OPA3: variants seen among roughly 807,000 people sequenced by gnomAD.
OPA3 encodes the protein outer mitochondrial membrane lipid metabolism regulator OPA3.
In OPA3, 6 loss-of-function variants were observed where a neutral mutation model predicts 4.0. The observed-to-expected ratio is 1.51, with a 90% confidence interval of 0.83 to 2.99. The LOEUF is 2.99. Among genes scored for constraint, OPA3 ranks in the 30% most tolerant of loss-of-function variants. The pLI is 0.00. For synonymous variants in OPA3, 105 were observed against 117.1 expected, an observed-to-expected ratio of 0.90 and a Z score of 0.67; for missense variants, 235 against 256.2, an observed-to-expected ratio of 0.92 and a Z score of 0.56.
rs976294041 is a variant in OPA3, at chr19:45,546,588, C to T, written c.*6926G>A. ...TCAGTTCACTGCAGCCTTAAACACC[C>T]GGGTTCAAGCGATCCTCCTGCCTCA... On this transcript the variant is annotated 3_prime_UTR_variant, in exon 2 of 2. Transcript: ENST00000263275. 8 of 180,976 alleles carry T rather than the reference C, an allele frequency of 4.4e-5. No homozygotes were observed. The highest frequency in any genetic ancestry group is 1.9e-4 in the East Asian group (1 of 5,280). 11.2% of individuals were successfully genotyped at this position (180,976 alleles called of 1,614,324 possible).
chr19:45,579,575 A>T (rs1384257867), intron 1 of OPA3, among the ~76,000 whole-genome samples: 1 of 152,082 alleles, frequency 6.6e-6, no homozygotes, highest in African/African-American at 2.4e-5. Context: ...AAGGTACCTG[A>T]GGGCAAGATG....
At chr19:45,578,545 G>A (rs2334251) in intron 1 of OPA3, among the ~76,000 whole-genome samples, 2 of 151,724 alleles carry the variant, frequency 1.3e-5, no homozygotes, top group South Asian at 4.2e-4. Context: ...CTCTGCTCCC[G>A]GGCCAGGCGT....
chr19:45,581,979 AG>A (rs2122522558), intron 1 of OPA3, among the ~76,000 whole-genome samples: 1 of 152,134 alleles, frequency 6.6e-6, no homozygotes, highest in South Asian at 2.1e-4. Flanking sequence ...TTGTATTTTC[AG>A]TAGACACGGG....
intron 1 of OPA3, among the ~76,000 whole-genome samples, chr19:45,556,459 C>T (rs1316281062): frequency 1.3e-5 from 2 of 151,936 alleles, no homozygotes; most frequent in African/African-American, 2.4e-5. Flanking sequence ...TAGACTCAAG[C>T]AATTCTCCTG....
chr19:45,572,102 T>C (rs1053903709), intron 1 of OPA3, among the ~76,000 whole-genome samples: 1 of 144,294 alleles, frequency 6.9e-6, no homozygotes, highest in African/African-American at 2.5e-5. Flanking sequence ...GTGGTGTATA[T>C]ATATATATCA....
chr19:45,576,535 T>TA (rs1491248816), intron 1 of OPA3, among the ~76,000 whole-genome samples: 4 of 107,792 alleles, frequency 3.7e-5, no homozygotes, highest in Admixed American at 9.5e-5. Context: ...TGAAACTCCA[T>TA]CCCCCCCCCC....
At chr19:45,582,055 C>T (rs1969862967) in intron 1 of OPA3, among the ~76,000 whole-genome samples, 2 of 152,060 alleles carry the variant, frequency 1.3e-5, no homozygotes. Context: ...CCTCGGCCTC[C>T]CAAAGTGCTG....
chr19:45,553,889 C>A lies in OPA3; in HGVS notation c.165G>T (p.Arg55=), dbSNP rs746924502. 6.2e-7 allele frequency: 1 copy of A among 1,609,396 alleles called. No homozygotes were observed. The highest frequency in any genetic ancestry group is 2.2e-5 in the East Asian group (1 of 44,738). Residue 55 remains arginine (R), a synonymous_variant, in exon 2 of 2, where the codon CGG becomes CGT. Coordinates refer to ENST00000263275, the MANE Select transcript of OPA3 (RefSeq NM_025136.4). The stretch of plus-strand genomic sequence containing the variant: ...GGAAGCCCATGATGCGCATCTTGGT[C>A]CGCATCTCCACCCAGTGATACACTG... The part of the protein sequence containing the change: ...PAQLYHWVEM[R]TKMRIMGFRG...
chr19:45,539,134 A>C (rs1456764859), intron 1 of OPA3, among the ~76,000 whole-genome samples: 1 of 152,192 alleles, frequency 6.6e-6, no homozygotes, highest in Non-Finnish European at 1.5e-5. Flanking sequence ...AACCACCCCC[A>C]TGATCACTTC....
At chr19:45,562,695 A>G (rs1186214639) in intron 1 of OPA3, among the ~76,000 whole-genome samples, 2 of 152,174 alleles carry the variant, frequency 1.3e-5, no homozygotes, top group African/African-American at 2.4e-5. Context: ...CAAAAAAAAT[A>G]TAAATAAATA....
Position 45,553,548 on chromosome 19 carries a change from G to A in OPA3, c.506C>T (p.Ser169Phe), listed in dbSNP as rs1285591603. Residue 169 changes from serine (S) to phenylalanine (F), a missense_variant, in exon 2 of 2, where the codon TCC (serine) becomes TTC (phenylalanine). Ser to Phe is a radical substitution (Grantham distance 155). Transcript: ENST00000263275. ...VRAQLCNPGR[S>F]ASHAVPASKK ...GGACGCAGGCACTGCGTGGGAAGCG[G>A]ACCGGCCGGGATTGCAGAGCTGGGC... 1.2e-6 allele frequency: 2 copies of A among 1,613,270 alleles called. No homozygotes were observed. Among genetic ancestry groups the A allele is most frequent in the Non-Finnish European group, 1.7e-6 (2 of 1,180,008 alleles).
At chr19:45,529,363 A>C in exon 2 of OPA3, 1 of 1,614,194 alleles carries the variant, frequency 6.2e-7, no homozygotes, top group Non-Finnish European at 8.5e-7. Flanking sequence ...CTCCGCGCCC[A>C]GCTCGGCGGC....
intron 1 of OPA3, among the ~76,000 whole-genome samples, chr19:45,575,857 C>T (rs1324421986): frequency 1.3e-5 from 2 of 152,160 alleles, no homozygotes; most frequent in Admixed American, 1.3e-4. Context: ...CCTCCTGCCT[C>T]GACCTTCTAA....
chr19:45,548,026 G>T lies in OPA3; in HGVS notation c.*5488C>A. On this transcript the variant is annotated 3_prime_UTR_variant, in exon 2 of 2. Transcript: ENST00000263275. The stretch of plus-strand genomic sequence containing the variant: ...TTTCCTTCTTTATTGCCGGTCTCTG[G>T]CACTAGAATGTCAGCTCCAGTGAGG... 2.8e-6 allele frequency: 2 copies of T among 714,186 alleles called. No homozygotes were observed. Among genetic ancestry groups the T allele is most frequent in the Non-Finnish European group, 3.4e-6 (2 of 582,254 alleles). 44.2% of individuals were successfully genotyped at this position (714,186 alleles called of 1,614,324 possible). A position where few individuals can be genotyped will look rare whatever the true frequency, so the allele number is the denominator to read the frequency against.
At chr19:45,574,609 T>C (rs12979969) in intron 1 of OPA3, among the ~76,000 whole-genome samples, 37,154 of 151,722 alleles carry the variant, frequency 0.24, 5,397 homozygotes, top group Middle Eastern at 0.37. Flanking sequence ...CTGCTCAAAG[T>C]CACATGGCTA....
chr19:45,550,929 A>T lies in OPA3; in HGVS notation c.*2585T>A. On this transcript the variant is annotated 3_prime_UTR_variant, in exon 2 of 2. Coordinates refer to ENST00000263275, the MANE Select transcript of OPA3 (RefSeq NM_025136.4). ...AGACTGTTCCTCTCAGCTAGCAGGA[A>T]GGCCAAATGGCCCGCGGGGTTGGCA... is the stretch of plus-strand genomic sequence containing the variant. 4.1e-6 allele frequency: 4 copies of T among 985,780 alleles called. No individual in the cohort carries two copies. Among genetic ancestry groups the T allele is most frequent in the Non-Finnish European group, 4.8e-6 (4 of 830,016 alleles). The allele number at this position is 985,780 out of a possible 1,614,324, so 61.1% of individuals were successfully genotyped here.
rs963979949 is a variant in OPA3 at position 45,553,133 on chromosome 19, T to A, written c.*381A>T. ...AAGGTGTTCCAGTGTAACAGATGAG[T>A]GTCCCAGTAAAGGTTAACACTGATC... On this transcript the variant is annotated 3_prime_UTR_variant, in exon 2 of 2. Transcript: ENST00000263275. 8.5e-7 allele frequency: 1 copy of A among 1,180,262 alleles called. No homozygotes were observed. The highest frequency in any genetic ancestry group is 1.1e-6 in the Non-Finnish European group (1 of 946,304). 73.1% of individuals were successfully genotyped at this position (1,180,262 alleles called of 1,614,324 possible). A position where few individuals can be genotyped will look rare whatever the true frequency, so the allele number is the denominator to read the frequency against.
chr19:45,555,774 A>G (rs1238050213), intron 1 of OPA3, among the ~76,000 whole-genome samples: 1 of 152,154 alleles, frequency 6.6e-6, no homozygotes, highest in Non-Finnish European at 1.5e-5. Flanking sequence ...TACAGGCGTG[A>G]GCCACCGTGC....
chr19:45,571,348 T>C (rs1332784452), intron 1 of OPA3, among the ~76,000 whole-genome samples: 1 of 152,120 alleles, frequency 6.6e-6, no homozygotes, highest in African/African-American at 2.4e-5. Context: ...GGTTTCTCCA[T>C]GTTGTTCAGG....
Sources: gnomAD v4.1 joint callset for allele counts (sites outside exome capture counted in the v4.1 genomes callset) on GRCh38, gnomAD v4.1.1 for gene constraint, MANE v1.5 for transcripts, NCBI Gene and HGNC (gene_info 2026-07-23, HGNC 2026-07-21) for gene names.